Variants in RAPGEF4 observed in about 807,000 individuals in gnomAD.
The protein encoded by RAPGEF4 is Rap guanine nucleotide exchange factor 4.
A neutral mutation model predicts 147.9 loss-of-function variants in RAPGEF4; 66 were observed. The observed-to-expected ratio is 0.45, with a 90% confidence interval of 0.37 to 0.55. The LOEUF is 0.55. Ranked by LOEUF, RAPGEF4 falls within the 20% of genes least tolerant of loss-of-function variation. RAPGEF4 has a pLI of 0.00. For synonymous variants in RAPGEF4, 419 were observed against 442.7 expected (o/e 0.95, Z 0.67); for missense variants, 1,071 against 1,257.3 (o/e 0.85, Z 2.24).
intron 4 of RAPGEF4, among the ~76,000 whole-genome samples, chr2:172,821,177 C>T (rs1689023555): frequency 6.6e-6 from 1 of 152,198 alleles, no homozygotes; most frequent in South Asian, 2.1e-4. Context: ...ATGGCTTTAT[C>T]CACCATACTA....
chr2:172,892,513 C>T (rs2149910199), intron 4 of RAPGEF4, among the ~76,000 whole-genome samples: 1 of 152,320 alleles, frequency 6.6e-6, no homozygotes, highest in South Asian at 2.1e-4. Flanking sequence ...CTTGCACAGC[C>T]TAAACTCCAG....
intron 4 of RAPGEF4, among the ~76,000 whole-genome samples, chr2:172,848,546 AC>A (rs1692463116): frequency 6.6e-6 from 1 of 152,202 alleles, no homozygotes; most frequent in South Asian, 2.1e-4. Flanking sequence ...TTAATGAAAC[AC>A]TGGGGTGGAG....
chr2:172,876,553 A>C (rs1192419584), intron 4 of RAPGEF4, among the ~76,000 whole-genome samples: 1 of 152,174 alleles, frequency 6.6e-6, no homozygotes, highest in Non-Finnish European at 1.5e-5. Flanking sequence ...GATTACATTT[A>C]TTGATTTGCA....
chr2:172,807,431 T>C (rs78300999), intron 3 of RAPGEF4, among the ~76,000 whole-genome samples: 118 of 152,386 alleles, frequency 7.7e-4, no homozygotes, highest in African/African-American at 2.6e-3. Context: ...ACCTTGTCTT[T>C]GCTGTTTGTT....
intron 11 of RAPGEF4, 99 bp from the exon 12 acceptor site, chr2:172,985,334 C>T: frequency 6.4e-7 from 1 of 1,551,614 alleles, no homozygotes; most frequent in Non-Finnish European, 8.9e-7. Flanking sequence ...CATGGGAAGC[C>T]CCGGGACAGT....
intron 1 of RAPGEF4, among the ~76,000 whole-genome samples, chr2:172,769,564 G>A (rs920954002): frequency 5.9e-5 from 9 of 151,972 alleles, no homozygotes; most frequent in African/African-American, 2.2e-4. Context: ...AAGTAGATAG[G>A]GGGAGTTCAG....
intron 1 of RAPGEF4, among the ~76,000 whole-genome samples, chr2:172,776,551 T>C (rs781393259): frequency 3.4e-4 from 52 of 152,326 alleles, no homozygotes; most frequent in Admixed American, 7.8e-4. Flanking sequence ...TCTGGGACTT[T>C]CATCATATGT....
chr2:172,791,406 C>T (rs777890081), intron 1 of RAPGEF4, among the ~76,000 whole-genome samples: 10 of 151,984 alleles, frequency 6.6e-5, no homozygotes, highest in Admixed American at 1.3e-4. Context: ...ACTGTAGGAT[C>T]GATAAAGGAG....
chr2:172,832,500 A>G (rs1690470939), intron 4 of RAPGEF4, among the ~76,000 whole-genome samples: 1 of 152,206 alleles, frequency 6.6e-6, no homozygotes, highest in Non-Finnish European at 1.5e-5. Flanking sequence ...TTAATGTTCT[A>G]AGTAAAGAAA....
chr2:172,857,363 C>T (rs758955312), intron 4 of RAPGEF4, among the ~76,000 whole-genome samples: 5 of 152,094 alleles, frequency 3.3e-5, no homozygotes, highest in Non-Finnish European at 5.9e-5. Flanking sequence ...TATTCTGGAA[C>T]GTATAGGGCC....
At chr2:172,815,802 G>A (rs954178754) in intron 4 of RAPGEF4, among the ~76,000 whole-genome samples, 1 of 152,132 alleles carries the variant, frequency 6.6e-6, no homozygotes, top group Non-Finnish European at 1.5e-5. Flanking sequence ...TTAATTAGGA[G>A]CCCTTAGTGC....
intron 10 of RAPGEF4, among the ~76,000 whole-genome samples, chr2:172,977,370 G>A (rs958162756): frequency 1.3e-5 from 2 of 152,154 alleles, no homozygotes; most frequent in South Asian, 4.1e-4. Context: ...CTTTTAAAAT[G>A]CGACTTTGTT....
At chr2:172,818,744 G>C (rs902416793) in intron 4 of RAPGEF4, among the ~76,000 whole-genome samples, 7 of 152,184 alleles carry the variant, frequency 4.6e-5, no homozygotes, top group Non-Finnish European at 1.0e-4. Context: ...TCCTTTAATA[G>C]GCTGAGCAAA....
intron 6 of RAPGEF4, among the ~76,000 whole-genome samples, chr2:172,930,276 A>T (rs529324642): frequency 2.0e-5 from 3 of 152,222 alleles, no homozygotes; most frequent in Admixed American, 6.5e-5. Context: ...CTGGCTTCCA[A>T]GCCATAGGCA....
At chr2:172,753,603 A>G (rs1559023446) in intron 1 of RAPGEF4, among the ~76,000 whole-genome samples, 1 of 152,170 alleles carries the variant, frequency 6.6e-6, no homozygotes, top group Non-Finnish European at 1.5e-5. Flanking sequence ...AAGAAACTTC[A>G]TTGATAGGGC....
At chr2:172,995,245 TTGTGTGTGTGTGTGTGTGTGTG>T (rs71018528) in intron 15 of RAPGEF4, among the ~76,000 whole-genome samples, 3 of 138,590 alleles carry the variant, frequency 2.2e-5, no homozygotes, top group East Asian at 2.2e-4. Flanking sequence ...ACTTGCCTGT[TTGTGTGTGTGTGTGTGTGTGTG>T]TGTGTGTGTG....
chr2:173,025,345 G>A (rs138611748), intron 23 of RAPGEF4, among the ~76,000 whole-genome samples: 32 of 152,352 alleles, frequency 2.1e-4, no homozygotes, highest in Non-Finnish European at 2.6e-4. Flanking sequence ...AGAATACAGT[G>A]ATGATGATGA....
At chr2:172,960,003 T>C (rs1689122836) in intron 6 of RAPGEF4, among the ~76,000 whole-genome samples, 3 of 152,190 alleles carry the variant, frequency 2.0e-5, no homozygotes, top group Admixed American at 2.0e-4. Flanking sequence ...GAGAATCTCT[T>C]GAGCCTGGGA....
At position 172,941,341 on chromosome 2, in the gene RAPGEF4, T is replaced by A. The variant is rs545319933; in HGVS notation, c.537+19041T>A. Among the ~76,000 whole-genome samples the A allele has an allele frequency of 4.6e-5, 7 of 152,306 alleles. No individual in the cohort carries two copies. The East Asian group carries it at 9.6e-4, about 21-fold the overall frequency. On this transcript the variant is annotated intron_variant, in intron 6 of 30. Coordinates refer to ENST00000397081, the MANE Select transcript of RAPGEF4 (RefSeq NM_007023.4). ...TTCCATGAAGCATTATTTGTAATGG[T>A]GGCAAAATAGTCCTTAATTCTGGTG...
Sources: gnomAD v4.1 joint callset for allele counts (sites outside exome capture counted in the v4.1 genomes callset) on GRCh38, gnomAD v4.1.1 for gene constraint, MANE v1.5 for transcripts, NCBI Gene and HGNC (gene_info 2026-07-23, HGNC 2026-07-21) for gene names.